The following FHOD3 variants were observed in gnomAD, a reference collection of about 807,000 sequenced individuals.
The protein encoded by FHOD3 is formin homology 2 domain containing 3, also known as FH1/FH2 domain-containing protein 3.
In FHOD3, 90 loss-of-function variants were observed where a neutral mutation model predicts 173.0. That is an observed-to-expected ratio of 0.52 (90% CI 0.44 to 0.62). FHOD3 has a LOEUF of 0.62. FHOD3 is among the 20% of genes least tolerant of loss of function. The pLI is 0.00. For missense variants in FHOD3, 1,945 were observed against 2,034.7 expected (o/e 0.96, Z 0.85); for synonymous variants, 828 against 823.0 (o/e 1.01, Z -0.10).
intron 3 of FHOD3, among the ~76,000 whole-genome samples, chr18:36,439,866 T>G (rs1359428641): frequency 3.3e-5 from 5 of 152,174 alleles, no homozygotes; most frequent in Admixed American, 2.0e-4. Flanking sequence ...TCTTCGATTC[T>G]TTTGTTCTAT....
chr18:36,580,302 T>C (rs1190605869), intron 6 of FHOD3, among the ~76,000 whole-genome samples: 1 of 152,120 alleles, frequency 6.6e-6, no homozygotes, highest in Non-Finnish European at 1.5e-5. Flanking sequence ...CAGCACTGGA[T>C]CTGTGTGGAT....
intron 10 of FHOD3, among the ~76,000 whole-genome samples, chr18:36,641,333 A>T (rs533191305): frequency 4.6e-5 from 7 of 152,228 alleles, no homozygotes; most frequent in African/African-American, 1.7e-4. Context: ...TCACGAAGGG[A>T]AAGTGGAAGA....
intron 3 of FHOD3, among the ~76,000 whole-genome samples, chr18:36,430,980 G>A (rs917451251): frequency 9.9e-5 from 15 of 152,000 alleles, no homozygotes; most frequent in Non-Finnish European, 1.9e-4. Flanking sequence ...AACTTCAAGC[G>A]ATACAAAGCT....
chr18:36,387,256 T>C (rs2048078800), intron 3 of FHOD3, among the ~76,000 whole-genome samples: 1 of 152,048 alleles, frequency 6.6e-6, no homozygotes, highest in African/African-American at 2.4e-5. Flanking sequence ...GTTGCTAGAT[T>C]TGGGACATGA....
intron 19 of FHOD3, among the ~76,000 whole-genome samples, chr18:36,721,483 G>A (rs193236618): frequency 2.3e-4 from 35 of 152,140 alleles, no homozygotes; most frequent in Admixed American, 1.5e-3. Flanking sequence ...TCTATAAAAT[G>A]TACACACACG....
intron 3 of FHOD3, among the ~76,000 whole-genome samples, chr18:36,384,646 A>G (rs113772515): frequency 6.6e-6 from 1 of 152,260 alleles, no homozygotes; most frequent in South Asian, 2.1e-4. Flanking sequence ...TCATATATTG[A>G]GTATTGATTT....
intron 5 of FHOD3, among the ~76,000 whole-genome samples, chr18:36,548,660 A>G (rs971249960): frequency 1.1e-4 from 17 of 152,176 alleles, no homozygotes; most frequent in Non-Finnish European, 1.8e-4. Flanking sequence ...TGTATTTTCT[A>G]CAATTGTGTA....
At chr18:36,466,880 T>G (rs1599248667) in intron 3 of FHOD3, among the ~76,000 whole-genome samples, 1 of 142,410 alleles carries the variant, frequency 7.0e-6, no homozygotes, top group African/African-American at 2.6e-5. Flanking sequence ...TTTTTTTTTT[T>G]GGCTATTGTT....
intron 5 of FHOD3, among the ~76,000 whole-genome samples, chr18:36,554,036 G>T (rs1248150876): frequency 6.6e-6 from 1 of 152,170 alleles, no homozygotes; most frequent in African/African-American, 2.4e-5. Context: ...TACACTGTTG[G>T]TGGGACTGTA....
chr18:36,708,343 A>G (rs935621253), intron 17 of FHOD3, among the ~76,000 whole-genome samples: 1 of 152,230 alleles, frequency 6.6e-6, no homozygotes, highest in Non-Finnish European at 1.5e-5. Context: ...ATTTCAGGAC[A>G]CATTAGCTGT....
At chr18:36,372,136 G>A (rs545627234) in intron 2 of FHOD3, among the ~76,000 whole-genome samples, 8 of 152,248 alleles carry the variant, frequency 5.3e-5, no homozygotes, top group Admixed American at 1.3e-4. Flanking sequence ...GTAAATTGAC[G>A]TTTCTGATAA....
At chr18:36,509,894 T>C (rs1249449231) in intron 4 of FHOD3, among the ~76,000 whole-genome samples, 1 of 152,162 alleles carries the variant, frequency 6.6e-6, no homozygotes, top group Non-Finnish European at 1.5e-5. Flanking sequence ...AGGAAGAAGC[T>C]GCTTGTTACT....
At chr18:36,450,394 G>A (rs1324520174) in intron 3 of FHOD3, among the ~76,000 whole-genome samples, 1 of 152,152 alleles carries the variant, frequency 6.6e-6, no homozygotes, top group Non-Finnish European at 1.5e-5. Flanking sequence ...TTAAAGGGAA[G>A]TGGTTAAGAT....
intron 1 of FHOD3, among the ~76,000 whole-genome samples, chr18:36,339,600 C>T (rs115010402): frequency 0.01 from 1,540 of 152,292 alleles, 21 homozygotes; most frequent in African/African-American, 0.035. Flanking sequence ...GGGTGGTCTG[C>T]TGCCCACTCC....
At chr18:36,645,802 T>TA (rs964427977) in intron 10 of FHOD3, among the ~76,000 whole-genome samples, 1 of 152,080 alleles carries the variant, frequency 6.6e-6, no homozygotes, top group African/African-American at 2.4e-5. Context: ...ACATTTTTTT[T>TA]AAAAAAGCAG....
intron 14 of FHOD3, among the ~76,000 whole-genome samples, chr18:36,675,135 C>T (rs1193422869): frequency 1.3e-5 from 2 of 152,212 alleles, no homozygotes; most frequent in South Asian, 2.1e-4. Context: ...CTCCTGCACA[C>T]CTAGGGAAGG....
At chr18:36,473,127 G>A (rs2053376167) in intron 3 of FHOD3, among the ~76,000 whole-genome samples, 1 of 152,162 alleles carries the variant, frequency 6.6e-6, no homozygotes, top group South Asian at 2.1e-4. Flanking sequence ...AGCTTCTCCT[G>A]GGAGCTTGTT....
intron 5 of FHOD3, among the ~76,000 whole-genome samples, chr18:36,540,811 G>A (rs1422952688): frequency 4.6e-5 from 7 of 152,234 alleles, no homozygotes; most frequent in African/African-American, 1.4e-4. Flanking sequence ...TGTGGGGCAG[G>A]GCACACCTAA....
intron 7 of FHOD3, among the ~76,000 whole-genome samples, chr18:36,597,642 A>G (rs771803495): frequency 6.6e-5 from 10 of 152,114 alleles, no homozygotes; most frequent in Non-Finnish European, 8.8e-5. Context: ...TAGCCAGGAT[A>G]GTCTCAATCT....
Sources: allele counts gnomAD v4.1 joint callset (sites outside exome capture counted in the v4.1 genomes callset), GRCh38; gene constraint gnomAD v4.1.1; transcripts MANE v1.5; gene names NCBI Gene and HGNC (gene_info 2026-07-23, HGNC 2026-07-21).